Variants in CADM2 observed in about 807,000 individuals in gnomAD.
CADM2 encodes cell adhesion molecule 2.
A neutral mutation model predicts 49.8 loss-of-function variants in CADM2; 12 were observed. That is an observed-to-expected ratio of 0.24 (90% CI 0.15 to 0.39). CADM2 has a LOEUF of 0.39. Among genes scored for constraint, CADM2 ranks in the 10% least tolerant of loss-of-function variants. The pLI is 1.00. For missense variants in CADM2, 378 were observed against 492.3 expected, an observed-to-expected ratio of 0.77 and a Z score of 2.20; for synonymous variants, 214 against 175.4, an observed-to-expected ratio of 1.22 and a Z score of -1.74.
chr3:85,968,844 A>G (rs900730539), intron 8 of CADM2, among the ~76,000 whole-genome samples: 4 of 151,730 alleles, frequency 2.6e-5, no homozygotes, highest in Non-Finnish European at 5.9e-5. Flanking sequence ...GTTTTCAGAA[A>G]CAATGGCATT....
At chr3:85,419,628 T>C (rs2107493604) in intron 1 of CADM2, among the ~76,000 whole-genome samples, 1 of 152,338 alleles carries the variant, frequency 6.6e-6, no homozygotes, top group Non-Finnish European at 1.5e-5. Flanking sequence ...CCCATTTTTC[T>C]CTTCTCCCTA....
chr3:85,068,389 A>G (rs966932691), intron 1 of CADM2, among the ~76,000 whole-genome samples: 7 of 152,156 alleles, frequency 4.6e-5, no homozygotes, highest in African/African-American at 1.7e-4. Flanking sequence ...TAGACACACA[A>G]TCTGGAACTC....
chr3:85,776,774 C>T (rs999641781), intron 2 of CADM2, among the ~76,000 whole-genome samples: 3 of 151,960 alleles, frequency 2.0e-5, no homozygotes, highest in African/African-American at 7.2e-5. Context: ...AGTAAATACT[C>T]AGTGCTAATT....
At chr3:85,358,343 G>A (rs547684313) in intron 1 of CADM2, among the ~76,000 whole-genome samples, 1 of 152,026 alleles carries the variant, frequency 6.6e-6, no homozygotes, top group African/African-American at 2.4e-5. Context: ...TTGGGGTAAA[G>A]TAAGTCCAGT....
intron 1 of CADM2, among the ~76,000 whole-genome samples, chr3:85,300,609 T>C (rs906719094): frequency 2.0e-5 from 3 of 152,054 alleles, no homozygotes; most frequent in Admixed American, 6.6e-5. Flanking sequence ...TGATCCAAGA[T>C]CAAGAAACTA....
At chr3:84,962,362 C>T (rs2030620034) in intron 1 of CADM2, among the ~76,000 whole-genome samples, 1 of 151,746 alleles carries the variant, frequency 6.6e-6, no homozygotes, top group African/African-American at 2.4e-5. Context: ...ATTTATTCAT[C>T]AAACACTGCT....
chr3:85,655,300 C>G (rs1293058109), intron 1 of CADM2, among the ~76,000 whole-genome samples: 1 of 151,886 alleles, frequency 6.6e-6, no homozygotes, highest in Non-Finnish European at 1.5e-5. Flanking sequence ...AGCTGGGACT[C>G]CAGGCATCCG....
Position 85,614,536 on chromosome 3 carries a change from A to C in CADM2, c.62-111986A>C, listed in dbSNP as rs188761921. Among the ~76,000 whole-genome samples the C allele has an allele frequency of 5.3e-5, 8 of 151,982 alleles. No individual in the cohort carries two copies. The East Asian group carries it at 1.5e-3, about 29-fold the overall frequency. ...AAATAACGAAGCTTAAGATAAAATA[A>C]TATTGTTTTGATTATATTCTCCCCC... On this transcript the variant is annotated intron_variant, in intron 1 of 9. Coordinates refer to ENST00000383699, the MANE Select transcript of CADM2 (RefSeq NM_001167675.2).
intron 1 of CADM2, among the ~76,000 whole-genome samples, chr3:85,125,574 G>T (rs1367097796): frequency 6.6e-6 from 1 of 152,034 alleles, no homozygotes; most frequent in South Asian, 2.1e-4. Flanking sequence ...GGCCCACGCT[G>T]GTCTGGAAAT....
chr3:85,361,976 T>C (rs1426717645), intron 1 of CADM2, among the ~76,000 whole-genome samples: 1 of 152,174 alleles, frequency 6.6e-6, no homozygotes, highest in Non-Finnish European at 1.5e-5. Context: ...AAGAGTGGAT[T>C]TCAGTTATTT....
chr3:85,280,356 A>G (rs995722870), intron 1 of CADM2, among the ~76,000 whole-genome samples: 7 of 150,928 alleles, frequency 4.6e-5, no homozygotes, highest in Non-Finnish European at 1.0e-4. Context: ...TTTTTTTCTC[A>G]TAACTTGCAT....
At chr3:85,135,833 C>T (rs1269540734) in intron 1 of CADM2, among the ~76,000 whole-genome samples, 1 of 151,786 alleles carries the variant, frequency 6.6e-6, no homozygotes, top group African/African-American at 2.4e-5. Context: ...TATTAGAGAG[C>T]CGTAGTATTG....
At chr3:85,593,661 ACTT>A (rs2063168851) in intron 1 of CADM2, among the ~76,000 whole-genome samples, 1 of 152,022 alleles carries the variant, frequency 6.6e-6, no homozygotes, top group Non-Finnish European at 1.5e-5. Flanking sequence ...AAAAATTACT[ACTT>A]TCTAAAATAT....
intron 1 of CADM2, among the ~76,000 whole-genome samples, chr3:85,513,653 A>G (rs1670610164): frequency 6.6e-6 from 1 of 152,016 alleles, no homozygotes; most frequent in East Asian, 1.9e-4. Context: ...AAAGAGTAGA[A>G]AAAACTTTTT....
At chr3:85,512,199 C>T (rs1234776900) in intron 1 of CADM2, among the ~76,000 whole-genome samples, 2 of 152,000 alleles carry the variant, frequency 1.3e-5, no homozygotes, top group Non-Finnish European at 2.9e-5. Flanking sequence ...CTGTTATTCC[C>T]ATCTTTATGT....
At chr3:85,692,030 A>G (rs2066405213) in intron 1 of CADM2, among the ~76,000 whole-genome samples, 1 of 152,218 alleles carries the variant, frequency 6.6e-6, no homozygotes, top group Non-Finnish European at 1.5e-5. Flanking sequence ...ATGTTAAATG[A>G]CGAGTTAATG....
At chr3:85,542,941 C>T (rs1468092187) in intron 1 of CADM2, among the ~76,000 whole-genome samples, 1 of 152,192 alleles carries the variant, frequency 6.6e-6, no homozygotes, top group East Asian at 1.9e-4. Context: ...CATGCTAACT[C>T]ATTGGACCAG....
chr3:85,910,316 C>T (rs753253015), intron 5 of CADM2, among the ~76,000 whole-genome samples: 1 of 151,904 alleles, frequency 6.6e-6, no homozygotes, highest in Non-Finnish European at 1.5e-5. Context: ...AACAAGTAAA[C>T]GTTGGGCATA....
At chr3:85,675,014 T>C (rs572670415) in intron 1 of CADM2, among the ~76,000 whole-genome samples, 1 of 152,318 alleles carries the variant, frequency 6.6e-6, no homozygotes, top group East Asian at 1.9e-4. Context: ...CTGCTGATTT[T>C]ATTTGTGCAT....
Sources: allele counts gnomAD v4.1 joint callset (sites outside exome capture counted in the v4.1 genomes callset), GRCh38; gene constraint gnomAD v4.1.1; transcripts MANE v1.5; gene names NCBI Gene and HGNC (gene_info 2026-07-23, HGNC 2026-07-21).